The following UBE2W variants were observed in gnomAD, a reference collection of about 807,000 sequenced individuals.
UBE2W encodes ubiquitin conjugating enzyme E2 W.
Under a neutral mutation model 27.2 loss-of-function variants are expected in UBE2W, and 18 were observed. The ratio of observed to expected loss-of-function variants is 0.66; its 90% CI spans 0.46 to 0.98. The LOEUF (loss-of-function observed/expected upper bound fraction) is 0.98, where lower values mean the gene tolerates loss of function less well. UBE2W is among the 50% of genes least tolerant of loss of function. The pLI is 0.00. For synonymous variants in UBE2W, 53 were observed against 57.2 expected (o/e 0.93, Z 0.33); for missense variants, 90 against 180.2 (o/e 0.50, Z 2.87).
chr8:73,825,364 G>A (rs1809793162), intron 2 of UBE2W, 115 bp from the exon 3 acceptor site: 4 of 649,684 alleles, frequency 6.2e-6, no homozygotes, highest in East Asian at 5.5e-5. Context: ...AGTTGGTTAT[G>A]TGTAACAGCA....
At chr8:73,875,215 T>C (rs967892136) in intron 1 of UBE2W, among the ~76,000 whole-genome samples, 1 of 152,184 alleles carries the variant, frequency 6.6e-6, no homozygotes, top group Non-Finnish European at 1.5e-5. Context: ...ATGGCAGAAC[T>C]CTAGCAATAT....
intron 2 of UBE2W, among the ~76,000 whole-genome samples, chr8:73,827,663 G>T (rs1476962768): frequency 6.6e-6 from 1 of 152,090 alleles, no homozygotes; most frequent in African/African-American, 2.4e-5. Context: ...CCAAGTAGCT[G>T]GGACCACAGG....
intron 1 of UBE2W, among the ~76,000 whole-genome samples, chr8:73,848,111 G>C (rs565866664): frequency 2.6e-5 from 4 of 152,280 alleles, no homozygotes; most frequent in Admixed American, 6.5e-5. Flanking sequence ...TGAGGCAAGA[G>C]AATCGCTTGA....
chr8:73,835,540 C>T (rs1009951833), intron 1 of UBE2W, among the ~76,000 whole-genome samples: 3 of 152,214 alleles, frequency 2.0e-5, no homozygotes, highest in African/African-American at 4.8e-5. Flanking sequence ...GTCAGGAATT[C>T]GGGACCAGCC....
intron 5 of UBE2W, among the ~76,000 whole-genome samples, chr8:73,798,123 AC>A (rs1288380363): frequency 1.3e-5 from 2 of 151,948 alleles, no homozygotes; most frequent in Non-Finnish European, 2.9e-5. Flanking sequence ...TCCCATCTAT[AC>A]CCCCCAACAA....
Position 73,794,095 on chromosome 8 carries a change from A to G in UBE2W, c.*7T>C. 6.2e-7 allele frequency: 1 copy of G among 1,613,628 alleles called. No individual in the cohort carries two copies. Among genetic ancestry groups the G allele is most frequent in the Non-Finnish European group, 8.5e-7 (1 of 1,179,746 alleles). On this transcript the variant is annotated 3_prime_UTR_variant, in exon 6 of 6. Coordinates refer to ENST00000602593, the MANE Select transcript of UBE2W (RefSeq NM_018299.6). Reference sequence around the variant, plus strand: ...TATCTTCTGCTAGGAGGATGATAACAGTGGCATCAACAAGTATCATCTTTA... The same window carrying G: ...TATCTTCTGCTAGGAGGATGATAACGGTGGCATCAACAAGTATCATCTTTA...
chr8:73,832,985 C>T (rs1810143477), intron 1 of UBE2W, among the ~76,000 whole-genome samples: 1 of 151,986 alleles, frequency 6.6e-6, no homozygotes, highest in African/African-American at 2.4e-5. Flanking sequence ...GTCAAGAGTT[C>T]GAGACCAGCC....
intron 5 of UBE2W, among the ~76,000 whole-genome samples, chr8:73,805,407 TA>T (rs989150005): frequency 3.3e-4 from 33 of 100,292 alleles, no homozygotes; most frequent in African/African-American, 1.2e-3. Context: ...GAGCCAAGAA[TA>T]ACACCATTGC....
chr8:73,796,113 C>T (rs1244055375), intron 5 of UBE2W, among the ~76,000 whole-genome samples: 1 of 141,150 alleles, frequency 7.1e-6, no homozygotes, highest in African/African-American at 2.6e-5. Flanking sequence ...TATTGTGGTA[C>T]TTGAAACAGA....
chr8:73,826,691 T>G (rs1319536365), intron 2 of UBE2W, among the ~76,000 whole-genome samples: 1 of 152,198 alleles, frequency 6.6e-6, no homozygotes, highest in Non-Finnish European at 1.5e-5. Flanking sequence ...ATTAGACAGT[T>G]ATAACTGAAG....
intron 1 of UBE2W, among the ~76,000 whole-genome samples, chr8:73,859,282 G>C (rs554357775): frequency 6.6e-6 from 1 of 152,116 alleles, no homozygotes; most frequent in South Asian, 2.1e-4. Flanking sequence ...GAGGCAGGGG[G>C]ACCACTTGAA....
intron 1 of UBE2W, among the ~76,000 whole-genome samples, chr8:73,844,749 C>T (rs1810701373): frequency 6.6e-6 from 1 of 151,644 alleles, no homozygotes; most frequent in South Asian, 2.1e-4. Flanking sequence ...GGGAGCACCT[C>T]TGCCCCGCCG....
chr8:73,870,304 G>A (rs1025512383), intron 1 of UBE2W: 1 of 1,577,896 alleles, frequency 6.3e-7, no homozygotes, highest in Non-Finnish European at 8.6e-7. Context: ...CCTGTGGTCT[G>A]AAAATACAAA....
rs1808210213 is a variant in UBE2W at position 73,791,714 on chromosome 8, A to G, written c.*2388T>C. On this transcript the variant is annotated 3_prime_UTR_variant, in exon 6 of 6. Transcript: ENST00000602593. Reference sequence around the variant, plus strand: ...TTCCTAAATTCAAGAGAGTGTTGTTAGCCTGATTATGAATTTTAAATGTCT... The same window carrying G: ...TTCCTAAATTCAAGAGAGTGTTGTTGGCCTGATTATGAATTTTAAATGTCT... The G allele has an allele frequency of 5.1e-6, 5 of 985,044 alleles. No individual in the cohort carries two copies. Among genetic ancestry groups the G allele is most frequent in the African/African-American group, 3.5e-5 (2 of 57,218 alleles). 61.0% of individuals were successfully genotyped at this position (985,044 alleles called of 1,614,324 possible).
chr8:73,867,703 C>A (rs1046805248), intron 1 of UBE2W, among the ~76,000 whole-genome samples: 6 of 133,942 alleles, frequency 4.5e-5, no homozygotes, highest in African/African-American at 1.4e-4. Context: ...CGGAGTGAGG[C>A]TCTGTCTCAG....
intron 1 of UBE2W, among the ~76,000 whole-genome samples, chr8:73,834,604 T>C (rs1810227518): frequency 1.3e-5 from 2 of 152,074 alleles, no homozygotes; most frequent in Admixed American, 1.3e-4. Flanking sequence ...CAGCAAGAAC[T>C]TGTCTCTAAT....
Position 73,794,677 on chromosome 8 carries a change from G to A in UBE2W, c.443-562C>T, listed in dbSNP as rs142630034. 6.5e-3 allele frequency among the ~76,000 whole-genome samples: 989 copies of A among 151,882 alleles called. 6 individuals are homozygous for A. The highest frequency in any genetic ancestry group is 0.018 in the African/African-American group (763 of 41,420). The stretch of plus-strand genomic sequence containing the variant: ...AGCACTTTGGGAGGCCGAGGCGGGC[G>A]GATCACTTGAGGTCAGGTGTTTTGA... On this transcript the variant is annotated intron_variant, in intron 5 of 5. Transcript: ENST00000602593.
intron 3 of UBE2W, among the ~76,000 whole-genome samples, chr8:73,819,524 GC>G (rs1809525250): frequency 6.6e-6 from 1 of 152,114 alleles, no homozygotes; most frequent in Non-Finnish European, 1.5e-5. Flanking sequence ...CATAATTCAT[GC>G]CCAATACATG....
intron 3 of UBE2W, among the ~76,000 whole-genome samples, chr8:73,813,760 T>C (rs887668918): frequency 2.0e-5 from 3 of 152,262 alleles, no homozygotes; most frequent in African/African-American, 7.2e-5. Context: ...GTTTTTTTTT[T>C]TTCTTTCCCC....
Sources: gnomAD v4.1 joint callset for allele counts (sites outside exome capture counted in the v4.1 genomes callset) on GRCh38, gnomAD v4.1.1 for gene constraint, MANE v1.5 for transcripts, NCBI Gene and HGNC (gene_info 2026-07-23, HGNC 2026-07-21) for gene names.